The following VPS13B variants were observed in gnomAD, a reference collection of about 807,000 sequenced individuals.
VPS13B encodes intermembrane lipid transfer protein VPS13B.
A neutral mutation model predicts 426.4 loss-of-function variants in VPS13B; 285 were observed. The ratio of observed to expected loss-of-function variants is 0.67; its 90% CI spans 0.61 to 0.74. VPS13B has a LOEUF of 0.74. Ranked by LOEUF, VPS13B falls within the 30% of genes least tolerant of loss-of-function variation. The pLI is 0.00. For synonymous variants in VPS13B, 1,676 were observed against 1,676.4 expected (o/e 1.00, Z 0.01); for missense variants, 4,537 against 4,782.6 (o/e 0.95, Z 1.51).
At chr8:99,378,627 A>C (rs1588309754) in intron 19 of VPS13B, among the ~76,000 whole-genome samples, 1 of 152,330 alleles carries the variant, frequency 6.6e-6, no homozygotes, top group Middle Eastern at 3.4e-3. Context: ...TTCACAATTT[A>C]TGTTCTTCCA....
chr8:99,834,292 G>A (rs999613908), intron 52 of VPS13B, among the ~76,000 whole-genome samples: 1 of 152,178 alleles, frequency 6.6e-6, no homozygotes, highest in African/African-American at 2.4e-5. Context: ...CTTTGTGGTA[G>A]TCTGTAATCT....
chr8:99,131,625 C>A (rs1268883432), intron 8 of VPS13B, among the ~76,000 whole-genome samples: 2 of 152,112 alleles, frequency 1.3e-5, no homozygotes, highest in African/African-American at 4.8e-5. Flanking sequence ...ATGTCTAAAA[C>A]CACTATATAT....
intron 3 of VPS13B, among the ~76,000 whole-genome samples, chr8:99,053,236 C>G (rs548834130): frequency 6.6e-6 from 1 of 152,038 alleles, no homozygotes; most frequent in South Asian, 2.1e-4. Context: ...GTGTGCTGCA[C>G]CCATTAACTC....
intron 35 of VPS13B, among the ~76,000 whole-genome samples, chr8:99,691,669 C>T (rs1438227907): frequency 6.7e-6 from 1 of 149,400 alleles, no homozygotes; most frequent in South Asian, 2.2e-4. Context: ...ATCATAATGA[C>T]AGGATCAAAT....
chr8:99,157,110 A>T (rs1811404187), intron 15 of VPS13B, among the ~76,000 whole-genome samples: 1 of 152,198 alleles, frequency 6.6e-6, no homozygotes, highest in Admixed American at 6.5e-5. Flanking sequence ...TGTGAGGCAT[A>T]ATGAGGCATA....
chr8:99,640,025 TAAGAAG>T lies in VPS13B; in HGVS notation c.5221-1766_5221-1761del, dbSNP rs1200705406. On this transcript the variant is annotated intron_variant, in intron 33 of 61. Coordinates refer to ENST00000357162, the MANE Select transcript of VPS13B (RefSeq NM_152564.5). ...ATAATAATAATAATAATAATAATAA[TAAGAAG>T]AAGAAGAAGAAGAAGAAGAGAAAAG... 3.1e-3 allele frequency among the ~76,000 whole-genome samples: 323 copies of T among 104,300 alleles called. 6 individuals carry two copies. Among genetic ancestry groups the T allele is most frequent in the Middle Eastern group, 4.1e-3 (1 of 246 alleles). 68.4% of individuals were successfully genotyped at this position (104,300 alleles called of 152,430 possible).
intron 31 of VPS13B, among the ~76,000 whole-genome samples, chr8:99,573,950 T>G (rs1825624579): frequency 6.6e-6 from 1 of 152,184 alleles, no homozygotes. Flanking sequence ...TGTCCTTCCA[T>G]TTGTTTATAT....
Position 99,230,175 on chromosome 8 carries a change from G to T in VPS13B, c.2515+37118G>T, listed in dbSNP as rs544252549. Among the ~76,000 whole-genome samples the T allele has an allele frequency of 3.0e-4, 45 of 151,718 alleles. 1 individual carries two copies. The highest frequency in any genetic ancestry group is 3.4e-3 in the Middle Eastern group (1 of 294). ...TATAGAACTTATTATACATGTTGGG[G>T]TTTTTTTTGCCTATTCATAGCTCTG... On this transcript the variant is annotated intron_variant, in intron 17 of 61. Transcript: ENST00000357162.
chr8:99,337,254 A>G (rs1810953984), intron 19 of VPS13B, among the ~76,000 whole-genome samples: 1 of 151,996 alleles, frequency 6.6e-6, no homozygotes, highest in Non-Finnish European at 1.5e-5. Context: ...TCAGTGAAGT[A>G]TCACAAGAAC....
At chr8:99,134,565 A>T in intron 8 of VPS13B, 67 bp from the exon 9 acceptor site, 1 of 1,276,086 alleles carries the variant, frequency 7.8e-7, no homozygotes, top group Non-Finnish European at 1.1e-6. Flanking sequence ...TCAATTAATC[A>T]TCATAATGAC....
intron 33 of VPS13B, among the ~76,000 whole-genome samples, chr8:99,603,782 A>G (rs1827436151): frequency 6.6e-6 from 1 of 152,230 alleles, no homozygotes; most frequent in African/African-American, 2.4e-5. Flanking sequence ...AGAGAGGACA[A>G]TGGTAGATTC....
intron 3 of VPS13B, among the ~76,000 whole-genome samples, chr8:99,044,150 C>G (rs532688853): frequency 8.1e-6 from 1 of 124,144 alleles, no homozygotes; most frequent in Non-Finnish European, 1.6e-5. Context: ...GGGGCGCGAT[C>G]TCGGCTCACT....
At chr8:99,754,424 T>C (rs914376738) in intron 39 of VPS13B, among the ~76,000 whole-genome samples, 5 of 152,210 alleles carry the variant, frequency 3.3e-5, no homozygotes, top group African/African-American at 1.2e-4. Context: ...AAATACTCTT[T>C]ATGTTTAAAA....
At chr8:99,212,944 T>C (rs1815180532) in intron 17 of VPS13B, among the ~76,000 whole-genome samples, 1 of 152,164 alleles carries the variant, frequency 6.6e-6, no homozygotes, top group South Asian at 2.1e-4. Flanking sequence ...ACCCCCAAAA[T>C]CTTATTCTTT....
intron 3 of VPS13B, among the ~76,000 whole-genome samples, chr8:99,073,051 G>T (rs1844926934): frequency 6.6e-6 from 1 of 151,904 alleles, no homozygotes. Context: ...TGTTCTTTTT[G>T]CTCAGGGTAC....
rs1830221351 is a variant in VPS13B, at chr8:99,661,490, A to G, written c.6045A>G (p.Pro2015=). The G allele has an allele frequency of 1.2e-6, 2 of 1,612,546 alleles. No individual in the cohort carries two copies. Among genetic ancestry groups the G allele is most frequent in the Non-Finnish European group, 1.7e-6 (2 of 1,179,648 alleles). ...AGATTAAAGACTTTCTGAATGGACC[A>G]GGTAAGAAAGTCATAAAATTTACAT... ...TLQIKDFLNG[P]ADVNLDISKP... Residue 2015 remains proline, a splice_region_variant and synonymous_variant, in exon 35 of 62, where the codon CCA becomes CCG. Coordinates refer to ENST00000357162, the MANE Select transcript of VPS13B (RefSeq NM_152564.5).
intron 14 of VPS13B, among the ~76,000 whole-genome samples, chr8:99,153,632 A>G (rs1284080217): frequency 6.6e-6 from 1 of 152,158 alleles, no homozygotes; most frequent in Non-Finnish European, 1.5e-5. Flanking sequence ...GCTGTAATTC[A>G]TTTTATTTTT....
chr8:99,596,969 C>T (rs1827051847), intron 33 of VPS13B, among the ~76,000 whole-genome samples: 1 of 152,018 alleles, frequency 6.6e-6, no homozygotes. Flanking sequence ...AGCTTTGGTT[C>T]TTCCTCAATA....
intron 56 of VPS13B, among the ~76,000 whole-genome samples, chr8:99,857,041 A>G (rs182085345): frequency 6.9e-4 from 105 of 152,214 alleles, no homozygotes; most frequent in Middle Eastern, 3.4e-3. Context: ...TCTTCAACCA[A>G]TTTCCAAACG....
Sources: allele counts gnomAD v4.1 joint callset (sites outside exome capture counted in the v4.1 genomes callset), GRCh38; gene constraint gnomAD v4.1.1; transcripts MANE v1.5; gene names NCBI Gene and HGNC (gene_info 2026-07-23, HGNC 2026-07-21).